PRDM11: variants seen among roughly 807,000 people sequenced by gnomAD.
PRDM11 encodes PR domain-containing protein 11.
A neutral mutation model predicts 97.8 loss-of-function variants in PRDM11; 20 were observed. The observed-to-expected ratio is 0.20, with a 90% CI of 0.14 to 0.30. The LOEUF (loss-of-function observed/expected upper bound fraction) is 0.30. PRDM11 is among the 10% of genes least tolerant of loss of function. The pLI is 1.00. For missense variants in PRDM11, 1,139 were observed against 1,555.2 expected, an observed-to-expected ratio of 0.73 and a Z score of 4.50; for synonymous variants, 599 against 637.7, an observed-to-expected ratio of 0.94 and a Z score of 0.91.
At chr11:45,218,886 C>T (rs1365364253) in intron 5 of PRDM11, among the ~76,000 whole-genome samples, 1 of 152,210 alleles carries the variant, frequency 6.6e-6, no homozygotes, top group African/African-American at 2.4e-5. Context: ...ACTCAAAGCT[C>T]CATCTCCCAT....
intron 1 of PRDM11, among the ~76,000 whole-genome samples, chr11:45,166,677 G>A (rs1000045409): frequency 2.0e-5 from 3 of 152,256 alleles, no homozygotes; most frequent in Non-Finnish European, 1.5e-5. Context: ...ACACAGAAGA[G>A]TGAGTGAACA....
chr11:45,221,945 A>G (rs911236950), intron 6 of PRDM11, among the ~76,000 whole-genome samples: 2 of 152,272 alleles, frequency 1.3e-5, no homozygotes, highest in African/African-American at 2.4e-5. Context: ...CCTATGCCCA[A>G]TCACTCTTGG....
rs945694411 is a variant in PRDM11, at chr11:45,226,203, G to A, written c.1578G>A (p.Glu526=). The change falls in exon 8 of 8, where the codon GAG becomes GAA. Residue 526 remains glutamate (E), a synonymous_variant. Coordinates refer to ENST00000683152, the MANE Select transcript of PRDM11 (RefSeq NM_001384648.1). Reference sequence around the variant, plus strand: ...TGCGGTACTCCCCAACCCTCAATGAGATGTGGTGCCACGTCTGCCGCCAGT... The same window carrying A: ...TGCGGTACTCCCCAACCCTCAATGAAATGTGGTGCCACGTCTGCCGCCAGT... The part of the protein sequence containing the change: ...WFLRYSPTLN[E]MWCHVCRQYT... The A allele has an allele frequency of 6.5e-7, 1 of 1,533,816 alleles. No homozygotes were observed. Among genetic ancestry groups the A allele is most frequent in the Non-Finnish European group, 8.7e-7 (1 of 1,146,600 alleles).
At chr11:45,194,005 T>C (rs1853009869) in intron 4 of PRDM11, among the ~76,000 whole-genome samples, 1 of 152,224 alleles carries the variant, frequency 6.6e-6, no homozygotes, top group South Asian at 2.1e-4. Context: ...GCTCATATCA[T>C]GTTTGCTAAT....
intron 1 of PRDM11, among the ~76,000 whole-genome samples, chr11:45,133,672 C>T (rs1852768972): frequency 6.6e-6 from 1 of 152,144 alleles, no homozygotes; most frequent in Non-Finnish European, 1.5e-5. Flanking sequence ...AACTCCTTCC[C>T]TTCTTCTACT....
intron 3 of PRDM11, among the ~76,000 whole-genome samples, 169 bp from the exon 4 acceptor site, chr11:45,182,692 G>T (rs535713387): frequency 6.6e-6 from 1 of 152,288 alleles, no homozygotes; most frequent in African/African-American, 2.4e-5. Flanking sequence ...ACGTAGGCAG[G>T]CCTGTTCTTG....
chr11:45,126,678 G>T (rs976407779), intron 1 of PRDM11, among the ~76,000 whole-genome samples: 2 of 152,156 alleles, frequency 1.3e-5, no homozygotes, highest in Non-Finnish European at 2.9e-5. Flanking sequence ...ACTCTCTTCT[G>T]GCTTGTAGAG....
intron 1 of PRDM11, among the ~76,000 whole-genome samples, chr11:45,109,577 G>A (rs1455914009): frequency 6.6e-6 from 1 of 152,158 alleles, no homozygotes; most frequent in Non-Finnish European, 1.5e-5. Context: ...GCGGAGGAGG[G>A]AGAGTATCTG....
chr11:45,228,265 T>TTA lies in PRDM11; in HGVS notation c.*125_*126dup, dbSNP rs371239644. 871 of 119,000 alleles carry TTA rather than the reference T, an allele frequency of 7.3e-3. 2 individuals carry two copies. The highest frequency in any genetic ancestry group is 0.024 in the African/African-American group (453 of 18,628). The allele number at this position is 119,000 out of a possible 1,614,324, so 7.4% of individuals were successfully genotyped here. A position where few individuals can be genotyped will look rare whatever the true frequency, so the allele number is the denominator to read the frequency against. On this transcript the variant is annotated 3_prime_UTR_variant, in exon 8 of 8. Transcript: ENST00000683152. ...ATATATTATATTATATTATATTATA[T>TTA]TATATATATATATATATATAAACTC...
chr11:45,170,458 G>A (rs12362992), intron 1 of PRDM11, among the ~76,000 whole-genome samples: 46,401 of 152,118 alleles, frequency 0.31, 7,903 homozygotes, highest in Admixed American at 0.41. Flanking sequence ...GAGGGAGTAG[G>A]GGAGCAAGCC....
intron 4 of PRDM11, among the ~76,000 whole-genome samples, chr11:45,192,083 G>T (rs1852935162): frequency 6.6e-6 from 1 of 152,028 alleles, no homozygotes; most frequent in African/African-American, 2.4e-5. Context: ...TAGGTTTTGA[G>T]GGAGGGATGG....
intron 1 of PRDM11, among the ~76,000 whole-genome samples, chr11:45,150,992 C>G (rs1565266991): frequency 6.6e-6 from 1 of 152,200 alleles, no homozygotes; most frequent in Non-Finnish European, 1.5e-5. Context: ...AGAACCCTGG[C>G]AGTCTGAGGC....
intron 1 of PRDM11, among the ~76,000 whole-genome samples, chr11:45,134,719 A>AAAAAAAT: frequency 6.8e-6 from 1 of 147,870 alleles, no homozygotes; most frequent in Non-Finnish European, 1.5e-5. Context: ...AAAAAAAAAA[A>AAAAAAAT]AAAAAAAGAA....
At chr11:45,179,865 G>T (rs1263290969) in intron 1 of PRDM11, among the ~76,000 whole-genome samples, 3 of 152,246 alleles carry the variant, frequency 2.0e-5, no homozygotes, top group East Asian at 3.8e-4. Flanking sequence ...AACCACTGAG[G>T]CTCCACCCCA....
chr11:45,177,899 C>T (rs1313664555), intron 1 of PRDM11, among the ~76,000 whole-genome samples: 1 of 152,122 alleles, frequency 6.6e-6, no homozygotes, highest in East Asian at 1.9e-4. Context: ...CTGGTTGTTT[C>T]TTAACTGTCC....
chr11:45,197,974 A>G (rs1467800453), intron 4 of PRDM11, among the ~76,000 whole-genome samples: 2 of 152,202 alleles, frequency 1.3e-5, no homozygotes, highest in Non-Finnish European at 2.9e-5. Context: ...TACATATGTA[A>G]CAAACCTGCA....
intron 1 of PRDM11, among the ~76,000 whole-genome samples, chr11:45,151,745 T>C (rs1851665102): frequency 6.6e-6 from 1 of 152,142 alleles, no homozygotes; most frequent in Non-Finnish European, 1.5e-5. Flanking sequence ...TAGGTTGGCC[T>C]TTGGAGAGTG....
intron 4 of PRDM11, among the ~76,000 whole-genome samples, chr11:45,202,526 A>G (rs1456590902): frequency 1.3e-5 from 2 of 152,216 alleles, no homozygotes; most frequent in East Asian, 3.8e-4. Flanking sequence ...GAAAAAATTG[A>G]AAAAGGATAT....
chr11:45,200,600 C>G (rs1294819002), intron 4 of PRDM11, among the ~76,000 whole-genome samples: 1 of 152,196 alleles, frequency 6.6e-6, no homozygotes, highest in Non-Finnish European at 1.5e-5. Context: ...CCATGTGCTC[C>G]TACTACTGGC....
Sources: gnomAD v4.1 joint callset for allele counts (sites outside exome capture counted in the v4.1 genomes callset) on GRCh38, gnomAD v4.1.1 for gene constraint, MANE v1.5 for transcripts, NCBI Gene and HGNC (gene_info 2026-07-23, HGNC 2026-07-21) for gene names.